The following MBD4 variants were observed in gnomAD, a reference collection of about 807,000 sequenced individuals.
MBD4 encodes methyl-CpG-binding domain protein 4.
Under a neutral mutation model 60.2 loss-of-function variants are expected in MBD4, and 53 were observed. The observed-to-expected ratio is 0.88, with a 90% CI of 0.71 to 1.11. The LOEUF is 1.11. Among genes scored for constraint, MBD4 ranks in the 50% least tolerant of loss-of-function variants. MBD4 has a pLI of 0.00. For synonymous variants in MBD4, 231 were observed against 229.8 expected (o/e 1.01, Z -0.05); for missense variants, 619 against 674.0 (o/e 0.92, Z 0.90).
chr3:129,432,266 A>G, intron 7 of MBD4: 1 of 1,456,408 alleles, frequency 6.9e-7, no homozygotes, highest in South Asian at 1.4e-5. Context: ...GCCAGAGGTG[A>G]CAAACCACTG....
rs1175629012 is a variant in MBD4 at position 129,439,889 on chromosome 3, G to C, written c.-56C>G. ...AGCGCCGCAACGCCCAGGGTGTGGG[G>C]CGGAGTAAGATGTGAAACCTCTTCA... On this transcript the variant is annotated 5_prime_UTR_variant, in exon 1 of 8. Coordinates refer to ENST00000429544, the MANE Select transcript of MBD4 (RefSeq NM_001276270.2). The C allele has an allele frequency of 2.2e-5, 27 of 1,251,704 alleles. No homozygotes were observed. The South Asian group carries it at 2.8e-4, about 13-fold the overall frequency. The allele number at this position is 1,251,704 out of a possible 1,614,324, so 77.5% of individuals were successfully genotyped here. A position where few individuals can be genotyped will look rare whatever the true frequency, so the allele number is the denominator to read the frequency against.
At position 129,439,838 on chromosome 3, in the gene MBD4, C is replaced by T. The variant is rs373196573; in HGVS notation, c.-5G>A. ...CTCCAGCCCAGTCGTGCCCATCGAGCAGGGTCCGGCTGCAGCAACGAGCCC... is the reference window on the plus strand; with the variant it reads ...CTCCAGCCCAGTCGTGCCCATCGAGTAGGGTCCGGCTGCAGCAACGAGCCC... On this transcript the variant is annotated 5_prime_UTR_variant, in exon 1 of 8. Transcript: ENST00000429544. 6 of 1,605,216 alleles carry T rather than the reference C, an allele frequency of 3.7e-6. No homozygotes were observed. Among genetic ancestry groups the T allele is most frequent in the East Asian group, 2.2e-5 (1 of 44,740 alleles).
chr3:129,439,590 G>A (rs2072673239), intron 1 of MBD4, 140 bp downstream of exon 1: 2 of 712,732 alleles, frequency 2.8e-6, no homozygotes, highest in African/African-American at 3.5e-5. Flanking sequence ...CTGGGCTCCA[G>A]ACCCTAGTAA....
chr3:129,431,163 G>T lies in MBD4; in HGVS notation c.*338C>A. 3.7e-6 allele frequency: 1 copy of T among 268,436 alleles called. No individual in the cohort carries two copies. Among genetic ancestry groups the T allele is most frequent in the South Asian group, 3.8e-5 (1 of 26,034 alleles). The allele number at this position is 268,436 out of a possible 1,614,324, so 16.6% of individuals were successfully genotyped here. On this transcript the variant is annotated 3_prime_UTR_variant, in exon 8 of 8. Coordinates refer to ENST00000429544, the MANE Select transcript of MBD4 (RefSeq NM_001276270.2). ...GCCTAGCCGATAAAAATATTTAGTGGGCCCCTAGCTTTAGCAAGGCTGATA... is the reference window on the plus strand; with the variant it reads ...GCCTAGCCGATAAAAATATTTAGTGTGCCCCTAGCTTTAGCAAGGCTGATA...
At chr3:129,433,582 A>G (rs1179828936) in intron 5 of MBD4, 2 of 584,254 alleles carry the variant, frequency 3.4e-6, no homozygotes, top group East Asian at 2.9e-5. Context: ...CACACATGAA[A>G]GAGGGTGGAG....
At position 129,437,719 on chromosome 3, in the gene MBD4, C is replaced by T. The variant is rs552296498; in HGVS notation, c.335+1G>A. ...CTATCTTTACCATCTTATATGCTTA[C>T]CTGATAAAGTACACATCAAATCTTC... On this transcript the variant is annotated splice_donor_variant, in intron 2 of 7. Transcript: ENST00000429544. LOFTEE classifies it high-confidence loss of function. 38 of 1,604,652 alleles carry T rather than the reference C, an allele frequency of 2.4e-5. No homozygotes were observed. The highest frequency in any genetic ancestry group is 3.0e-5 in the Non-Finnish European group (35 of 1,171,476).
rs201684514 is a variant in MBD4 at position 129,437,071 on chromosome 3, C to T, written c.573G>A (p.Pro191=). 6.1e-5 allele frequency: 99 copies of T among 1,614,016 alleles called. No individual in the cohort carries two copies. Among genetic ancestry groups the T allele is most frequent in the Non-Finnish European group, 7.4e-5 (87 of 1,179,890 alleles). The part of the protein sequence containing the change: ...RSKCKKDVFM[P]PSSSSELQES... ...CCTGCAACTCTGAACTACTACTTGG[C>T]GGCATAAACACATCCTTTTTGCACT... The change falls in exon 3 of 8, where the codon CCG becomes CCA. Residue 191 remains proline, a synonymous_variant. Coordinates refer to ENST00000429544, the MANE Select transcript of MBD4 (RefSeq NM_001276270.2).
rs148098584 is a variant in MBD4 at position 129,437,838 on chromosome 3, G to C, written c.217C>G (p.Gln73Glu). The C allele has an allele frequency of 1.9e-6, 3 of 1,613,842 alleles. No homozygotes were observed. The highest frequency in any genetic ancestry group is 4.5e-5 in the East Asian group (2 of 44,898). Residue 73 changes from glutamine to glutamate, a missense_variant, in exon 2 of 8, where the codon CAG becomes GAG. Transcript: ENST00000429544. ...PLLQEPIASA[Q>E]FGATAGTECR... ...TCTGTTCCTGCAGTAGCACCAAACT[G>C]AGCAGAAGCGATGGGTTCTTGTAGC... is the stretch of plus-strand genomic sequence containing the variant.
intron 2 of MBD4, 129 bp from the exon 3 acceptor site, chr3:129,437,437 A>G (rs2072488119): frequency 1.3e-6 from 1 of 763,382 alleles, no homozygotes; most frequent in Non-Finnish European, 2.1e-6. Context: ...TAAAAATGAA[A>G]AAGAGTGATA....
chr3:129,436,591 G>A lies in MBD4; in HGVS notation c.1053C>T (p.Thr351=), dbSNP rs1057130742. The A allele has an allele frequency of 7.4e-6, 12 of 1,613,922 alleles. No homozygotes were observed. The highest frequency in any genetic ancestry group is 6.7e-5 in the African/African-American group (5 of 74,876). Residue 351 remains threonine, a synonymous_variant, in exon 3 of 8, where the codon ACC becomes ACT. Coordinates refer to ENST00000429544, the MANE Select transcript of MBD4 (RefSeq NM_001276270.2). ...TTCCGATTTCTTCAGATTCTAAAAA[G>A]GTATCCTCATACTTCTCGTTGTGTT... is the stretch of plus-strand genomic sequence containing the variant. The part of the protein sequence containing the change: ...DSEHNEKYED[T]FLESEEIGTK...
At chr3:129,438,093 G>A (rs1238994885) in intron 1 of MBD4, 143 bp from the exon 2 acceptor site, 4 of 627,474 alleles carry the variant, frequency 6.4e-6, no homozygotes, top group Non-Finnish European at 1.1e-5. Flanking sequence ...GACCAGTCTT[G>A]TGCTATGGGA....
rs1476945104 is a variant in MBD4, at chr3:129,438,268, T to C, written c.105-318A>G. ...GGCACTTACCATAAATTTGAGAATA[T>C]GAACCAATAGCTAAGCTCTTAAGCA... On this transcript the variant is annotated intron_variant, in intron 1 of 7. Coordinates refer to ENST00000429544, the MANE Select transcript of MBD4 (RefSeq NM_001276270.2). Among the ~76,000 whole-genome samples the C allele has an allele frequency of 2.6e-5, 4 of 152,208 alleles. No individual in the cohort carries two copies. The East Asian group carries it at 7.7e-4, about 29-fold the overall frequency.
At chr3:129,435,001 ATC>A (rs1021735654) in intron 3 of MBD4, among the ~76,000 whole-genome samples, 1 of 152,212 alleles carries the variant, frequency 6.6e-6, no homozygotes, top group Non-Finnish European at 1.5e-5. Flanking sequence ...TTTGTATAGC[ATC>A]TTTTTCACTT....
rs768114210 is a variant in MBD4 at position 129,436,610 on chromosome 3, T to C, written c.1034A>G (p.Asn345Ser). 1.2e-6 allele frequency: 2 copies of C among 1,614,196 alleles called. No individual in the cohort carries two copies. The highest frequency in any genetic ancestry group is 1.7e-6 in the Non-Finnish European group (2 of 1,180,020). The change falls in exon 3 of 8, where the codon AAC becomes AGC. Residue 345 changes from asparagine to serine, a missense_variant. Transcript: ENST00000429544. ...KFCSAKDSEHNEKYEDTFLES... is the reference protein window; with the variant it reads ...KFCSAKDSEHSEKYEDTFLES... ...TAAAAAGGTATCCTCATACTTCTCG[T>C]TGTGTTCTGAGTCTTTGGCTGAACA...
At position 129,432,535 on chromosome 3, in the gene MBD4, AAG is replaced by A; in HGVS notation, c.1613_1614del (p.Ser538LeufsTer8). ...LHGIGKYGNDSYRIFCVNEWK... is the reference protein window; with the variant it reads ...LHGIGKYGNDXYRIFCVNEWK... ...CACTCATTGACACAAAAAATTCGGT[AAG>A]AGTCGTTGCCATATTTACCAATCCC... On this transcript the variant is annotated frameshift_variant, in exon 7 of 8. Coordinates refer to ENST00000429544, the MANE Select transcript of MBD4 (RefSeq NM_001276270.2). LOFTEE classifies it high-confidence loss of function. 6.2e-7 allele frequency: 1 copy of A among 1,614,240 alleles called. No individual in the cohort carries two copies. The highest frequency in any genetic ancestry group is 8.5e-7 in the Non-Finnish European group (1 of 1,180,042).
rs1232399699 is a variant in MBD4 at position 129,432,389 on chromosome 3, A to G, written c.1647+114T>C. 4.5e-5 allele frequency: 72 copies of G among 1,594,102 alleles called. No homozygotes were observed. The East Asian group carries it at 1.6e-3, about 34-fold the overall frequency. On this transcript the variant is annotated intron_variant, in intron 7 of 7. Coordinates refer to ENST00000429544, the MANE Select transcript of MBD4 (RefSeq NM_001276270.2). Reference sequence around the variant, plus strand: ...CCGCTTCCCCGCAGCCAGGAACACAATTGTTTGTGACTGTAATAGCATTTG... The same window carrying G: ...CCGCTTCCCCGCAGCCAGGAACACAGTTGTTTGTGACTGTAATAGCATTTG...
At chr3:129,432,328 G>T in intron 7 of MBD4, 175 bp downstream of exon 7, 3 of 1,512,052 alleles carry the variant, frequency 2.0e-6, no homozygotes, top group Non-Finnish European at 2.6e-6. Flanking sequence ...ACTTGGGAGC[G>T]CCTACTGATC....
chr3:129,433,025 T>C (rs997874314), intron 6 of MBD4, 73 bp downstream of exon 6: 1 of 1,575,966 alleles, frequency 6.3e-7, no homozygotes, highest in Non-Finnish European at 8.7e-7. Flanking sequence ...CTGAGAACAT[T>C]AAAGTTTAAG....
At chr3:129,432,644 C>T (rs200799574) in intron 6 of MBD4, 38 bp from the exon 7 acceptor site, 1 of 1,592,906 alleles carries the variant, frequency 6.3e-7, no homozygotes, top group African/African-American at 1.3e-5. Context: ...AGGTCAGCTT[C>T]TAAAGACACC....
Sources: allele counts gnomAD v4.1 joint callset (sites outside exome capture counted in the v4.1 genomes callset), GRCh38; gene constraint gnomAD v4.1.1; transcripts MANE v1.5; gene names NCBI Gene and HGNC (gene_info 2026-07-23, HGNC 2026-07-21).